Variants in MEI1 observed in about 807,000 individuals in gnomAD.
MEI1 encodes the protein meiosis inhibitor protein 1.
In MEI1, 103 loss-of-function variants were observed where a neutral mutation model predicts 146.2. The observed-to-expected ratio is 0.70, with a 90% CI of 0.60 to 0.83. The LOEUF (loss-of-function observed/expected upper bound fraction) is 0.83. MEI1 is among the 40% of genes least tolerant of loss of function. The pLI, the probability that MEI1 is intolerant of heterozygous loss-of-function variation, is 0.00. For synonymous variants in MEI1, 652 were observed against 628.2 expected (o/e 1.04, Z -0.57); for missense variants, 1,529 against 1,533.0 (o/e 1.00, Z 0.04).
At chr22:41,798,328 G>A (rs1246469389) in intron 30 of MEI1, among the ~76,000 whole-genome samples, 1 of 151,890 alleles carries the variant, frequency 6.6e-6, no homozygotes, top group Non-Finnish European at 1.5e-5. Context: ...TGTAATCCCA[G>A]CACTTTGGGA....
intron 3 of MEI1, among the ~76,000 whole-genome samples, chr22:41,710,613 A>G (rs2069464235): frequency 6.6e-6 from 1 of 152,220 alleles, no homozygotes; most frequent in Admixed American, 6.5e-5. Flanking sequence ...TCCAGCTGAT[A>G]GAGTATGGGA....
intron 3 of MEI1, among the ~76,000 whole-genome samples, chr22:41,712,672 A>G (rs6002448): frequency 0.11 from 16,460 of 147,068 alleles, 2,688 homozygotes; most frequent in African/African-American, 0.36. Context: ...ATAGAAATAG[A>G]TGTGTGTGTG....
chr22:41,749,342 C>G (rs2073578220), intron 15 of MEI1, among the ~76,000 whole-genome samples: 1 of 151,562 alleles, frequency 6.6e-6, no homozygotes, highest in Admixed American at 6.6e-5. Flanking sequence ...ATGGCACGAT[C>G]TCGGCTCACC....
intron 3 of MEI1, among the ~76,000 whole-genome samples, chr22:41,707,028 CAAA>C (rs59421678): frequency 1.5e-5 from 2 of 130,890 alleles, no homozygotes; most frequent in Non-Finnish European, 3.1e-5. Flanking sequence ...CCATCTCTAC[CAAA>C]AAAAAAAAAA....
rs2070125490 is a variant in MEI1, at chr22:41,716,130, G to A, written c.513G>A (p.Glu171=). ...ATGCCATCCCTGCTCTGGCAGACGAGCTTGTAATGGAGCATGGTGAGTGAC... is the reference window on the plus strand; with the variant it reads ...ATGCCATCCCTGCTCTGGCAGACGAACTTGTAATGGAGCATGGTGAGTGAC... ...LVDAIPALAD[E]LVMEHGNLME... The change falls in exon 5 of 31, where the codon GAG becomes GAA. Residue 171 remains glutamate, a synonymous_variant. Coordinates refer to ENST00000401548, the MANE Select transcript of MEI1 (RefSeq NM_152513.4). 1 of 1,607,992 alleles carries A rather than the reference G, an allele frequency of 6.2e-7. No homozygotes were observed. Among genetic ancestry groups the A allele is most frequent in the Non-Finnish European group, 8.5e-7 (1 of 1,177,198 alleles).
At chr22:41,766,146 A>T (rs964846460) in intron 19 of MEI1, among the ~76,000 whole-genome samples, 1 of 151,480 alleles carries the variant, frequency 6.6e-6, no homozygotes, top group Non-Finnish European at 1.5e-5. Flanking sequence ...AAGTGCTGGG[A>T]TTACAGGCAT....
chr22:41,784,730 C>A lies in MEI1; in HGVS notation c.3292C>A (p.Arg1098=). Residue 1098 remains arginine (R), a synonymous_variant, in exon 26 of 31, where the codon CGA becomes AGA. Coordinates refer to ENST00000401548, the MANE Select transcript of MEI1 (RefSeq NM_152513.4). ...ATKDTVLAPL[R]MSQVRSLVIG... ...CAAGGACACTGTCCTAGCTCCACTG[C>A]GAATGTCGCAAGTCCGGTCCCTGGT... The A allele has an allele frequency of 6.2e-7, 1 of 1,613,132 alleles. No individual in the cohort carries two copies. The highest frequency in any genetic ancestry group is 8.5e-7 in the Non-Finnish European group (1 of 1,179,604).
Position 41,752,591 on chromosome 22 carries a change from C to G in MEI1, c.1793C>G (p.Ala598Gly), listed in dbSNP as rs1358638853. Residue 598 changes from alanine (A) to glycine (G), a missense_variant and splice_region_variant, in exon 16 of 31, where the codon GCT (alanine) becomes GGT (glycine). Coordinates refer to ENST00000401548, the MANE Select transcript of MEI1 (RefSeq NM_152513.4). The stretch of plus-strand genomic sequence containing the variant: ...CTGCTTTATTCCCACTTCTCTGAAG[C>G]TTCCTCATCCTTCATACGACTGACC... Reference protein sequence around the residue: ...HMKEKFSKKLASSSFIRLTLE... With the variant: ...HMKEKFSKKLGSSSFIRLTLE... 4 of 1,595,430 alleles carry G rather than the reference C, an allele frequency of 2.5e-6. No homozygotes were observed. Among genetic ancestry groups the G allele is most frequent in the Non-Finnish European group, 3.4e-6 (4 of 1,170,934 alleles).
intron 21 of MEI1, among the ~76,000 whole-genome samples, chr22:41,778,378 G>A (rs2075577497): frequency 6.6e-6 from 1 of 152,208 alleles, no homozygotes; most frequent in African/African-American, 2.4e-5. Flanking sequence ...CTTTCTGGCT[G>A]TGGGACCTTG....
At chr22:41,753,757 G>A in intron 16 of MEI1, 192 bp from the exon 17 acceptor site, 1 of 514,478 alleles carries the variant, frequency 1.9e-6, no homozygotes, top group Non-Finnish European at 3.5e-6. Flanking sequence ...AGAATTACAG[G>A]CATAAGCCAC....
At chr22:41,763,373 G>A in intron 19 of MEI1, 52 bp downstream of exon 19, 1 of 1,587,550 alleles carries the variant, frequency 6.3e-7, no homozygotes, top group Non-Finnish European at 8.6e-7. Flanking sequence ...CTTTACATTA[G>A]TGTTCCCTGG....
In MEI1 at chr22:41,699,808, A is replaced by G. The variant is rs2068551663; in HGVS notation, c.174+96A>G. ...TGCCAGACCCGCTCCGGTGAACCCG[A>G]CGCGAAACCGGGCCCCCGCGCTGTG... On this transcript the variant is annotated intron_variant, in intron 1 of 30. Transcript: ENST00000401548. 4.3e-6 allele frequency: 6 copies of G among 1,390,998 alleles called. No individual in the cohort carries two copies. The East Asian group carries it at 1.0e-4, about 24-fold the overall frequency. 86.2% of individuals were successfully genotyped at this position (1,390,998 alleles called of 1,614,324 possible).
intron 19 of MEI1, among the ~76,000 whole-genome samples, chr22:41,765,911 A>C (rs548114562): frequency 8.4e-6 from 1 of 119,618 alleles, no homozygotes; most frequent in African/African-American, 3.5e-5. Context: ...TTTTTTTTAG[A>C]CGGAGTCTTG....
chr22:41,773,816 A>C (rs1238149395), intron 20 of MEI1, among the ~76,000 whole-genome samples: 1 of 152,200 alleles, frequency 6.6e-6, no homozygotes, highest in Non-Finnish European at 1.5e-5. Flanking sequence ...CGGAGGTTGC[A>C]GTGAGCCAAG....
chr22:41,716,253 T>A (rs1353540875), intron 5 of MEI1, 107 bp downstream of exon 5: 3 of 728,704 alleles, frequency 4.1e-6, no homozygotes, highest in Non-Finnish European at 6.9e-6. Flanking sequence ...ATTACTTTCC[T>A]GCTTTAGCCT....
chr22:41,780,012 A>T (rs1458784845), intron 22 of MEI1, among the ~76,000 whole-genome samples: 2 of 152,180 alleles, frequency 1.3e-5, no homozygotes, highest in Non-Finnish European at 2.9e-5. Context: ...AGTCCACCTC[A>T]TGAGAACATC....
At position 41,738,587 on chromosome 22, in the gene MEI1, AAAAAC is replaced by A. The variant is rs907025717; in HGVS notation, c.1332-4476_1332-4472del. On this transcript the variant is annotated intron_variant, in intron 11 of 30. Transcript: ENST00000401548. Reference sequence around the variant, plus strand: ...GGGCAACAGAGCGAGACTCTGTCTCAAAAACAAAACAAAACAAAACACCAAAATAC... The same window carrying A: ...GGGCAACAGAGCGAGACTCTGTCTCAAAAACAAAACAAAACACCAAAATAC... Among the ~76,000 whole-genome samples, 17 of 151,728 alleles carry A rather than the reference AAAAAC, an allele frequency of 1.1e-4. No individual in the cohort carries two copies. In the East Asian group the frequency reaches 2.3e-3, roughly 21 times the overall value.
At chr22:41,719,848 T>G (rs191248236) in intron 6 of MEI1, among the ~76,000 whole-genome samples, 85 of 152,328 alleles carry the variant, frequency 5.6e-4, no homozygotes, top group Non-Finnish European at 7.8e-4. Context: ...GGCACTGTAA[T>G]TGGTGCCTGG....
intron 12 of MEI1, among the ~76,000 whole-genome samples, chr22:41,744,498 T>C: frequency 9.4e-5 from 1 of 10,610 alleles, no homozygotes; most frequent in Non-Finnish European, 1.9e-4. Flanking sequence ...TTTTTTTTTT[T>C]TTTTTTTTTT....
Sources: allele counts gnomAD v4.1 joint callset (sites outside exome capture counted in the v4.1 genomes callset), GRCh38; gene constraint gnomAD v4.1.1; transcripts MANE v1.5; gene names NCBI Gene and HGNC (gene_info 2026-07-23, HGNC 2026-07-21).